The following TMEM132D variants were observed in gnomAD, a reference collection of about 807,000 sequenced individuals.
TMEM132D encodes mature OL transmembrane protein.
A neutral mutation model predicts 62.3 loss-of-function variants in TMEM132D; 21 were observed. The observed-to-expected ratio is 0.34, with a 90% CI of 0.24 to 0.49. The LOEUF (loss-of-function observed/expected upper bound fraction) is 0.49. Ranked by LOEUF, TMEM132D falls within the 20% of genes least tolerant of loss-of-function variation. The probability of loss-of-function intolerance (pLI) is 0.99; values close to 1 mark genes in which losing one functional copy is unlikely to be tolerated. For synonymous variants in TMEM132D, 621 were observed against 575.6 expected (o/e 1.08, Z -1.13); for missense variants, 1,346 against 1,402.8 (o/e 0.96, Z 0.65).
intron 1 of TMEM132D, among the ~76,000 whole-genome samples, chr12:129,729,281 C>A (rs1336048720): frequency 6.6e-6 from 1 of 152,162 alleles, no homozygotes; most frequent in African/African-American, 2.4e-5. Flanking sequence ...AGTTCTATTC[C>A]CTTGTATATG....
intron 1 of TMEM132D, among the ~76,000 whole-genome samples, chr12:129,767,238 C>A (rs551175950): frequency 6.6e-6 from 1 of 152,362 alleles, no homozygotes; most frequent in African/African-American, 2.4e-5. Flanking sequence ...TGGGCCTTCA[C>A]TCTCTTGTGA....
chr12:129,560,680 T>C (rs1415486957), intron 2 of TMEM132D, among the ~76,000 whole-genome samples: 1 of 152,230 alleles, frequency 6.6e-6, no homozygotes, highest in African/African-American at 2.4e-5. Flanking sequence ...AGGTAGCTTA[T>C]GCTGTGGTAA....
intron 1 of TMEM132D, among the ~76,000 whole-genome samples, chr12:129,817,895 G>T (rs571409947): frequency 2.0e-5 from 3 of 147,592 alleles, no homozygotes; most frequent in Non-Finnish European, 4.5e-5. Context: ...GTGGGGGTTT[G>T]TGTGTGCCTA....
chr12:129,453,204 G>A (rs1018387813), intron 3 of TMEM132D, among the ~76,000 whole-genome samples: 5 of 152,212 alleles, frequency 3.3e-5, no homozygotes, highest in African/African-American at 1.2e-4. Context: ...CGGAAAAATT[G>A]TCTTCCAGGA....
chr12:129,632,743 C>G (rs1388656685), intron 2 of TMEM132D, among the ~76,000 whole-genome samples: 2 of 152,228 alleles, frequency 1.3e-5, no homozygotes. Flanking sequence ...CACGAGCTCC[C>G]TCTCCGCATC....
At chr12:129,693,768 T>C (rs958825045) in intron 2 of TMEM132D, among the ~76,000 whole-genome samples, 2 of 152,188 alleles carry the variant, frequency 1.3e-5, no homozygotes, top group African/African-American at 4.8e-5. Flanking sequence ...GGCAGACTCT[T>C]TGCTTATTAT....
intron 4 of TMEM132D, among the ~76,000 whole-genome samples, chr12:129,289,953 A>G (rs1232421181): frequency 6.6e-6 from 1 of 152,222 alleles, no homozygotes; most frequent in Non-Finnish European, 1.5e-5. Context: ...CACAATGTGC[A>G]GCTCTGGATT....
At chr12:129,390,336 C>T in intron 3 of TMEM132D, among the ~76,000 whole-genome samples, 1 of 152,110 alleles carries the variant, frequency 6.6e-6, no homozygotes, top group East Asian at 1.9e-4. Flanking sequence ...AACCACGTGC[C>T]CCACAAAGCC....
chr12:129,452,947 ATACTGGTTGGTGGCCTGTTAGG>A (rs1409793872), intron 3 of TMEM132D, among the ~76,000 whole-genome samples: 2 of 152,174 alleles, frequency 1.3e-5, no homozygotes, highest in African/African-American at 4.8e-5. Context: ...CCATGGACCC[ATACTGGTTGGTGGCCTGTTAGG>A]TACTGGACCC....
chr12:129,715,415 G>A (rs1868535220), intron 1 of TMEM132D, among the ~76,000 whole-genome samples: 1 of 152,208 alleles, frequency 6.6e-6, no homozygotes, highest in African/African-American at 2.4e-5. Flanking sequence ...TATTTACCAG[G>A]AGAGAATGAA....
intron 4 of TMEM132D, among the ~76,000 whole-genome samples, chr12:129,325,624 C>T (rs933550359): frequency 1.3e-5 from 2 of 152,150 alleles, no homozygotes; most frequent in Admixed American, 6.5e-5. Flanking sequence ...ACCCCTCATG[C>T]ACTCCAGCCT....
intron 5 of TMEM132D, among the ~76,000 whole-genome samples, chr12:129,122,549 T>C (rs935481421): frequency 7.9e-5 from 12 of 152,126 alleles, no homozygotes; most frequent in African/African-American, 2.9e-4. Context: ...TCAATAGATA[T>C]CTATTGAATG....
Position 129,073,947 on chromosome 12 carries a change from G to A in TMEM132D, c.3228C>T (p.Val1076=), listed in dbSNP as rs1874158931. ...AGTCCCCAGGGTCCAGATCCTGGCA[G>A]ACCCACTTAATGTCATCCTCGCTAC... ...VMSSEDDIKW[V]CQDLDPGDCK... is the part of the protein sequence containing the mutation. Residue 1076 remains valine, a synonymous_variant, in exon 9 of 9, where the codon GTC becomes GTT. Transcript: ENST00000422113. 1.2e-6 allele frequency: 2 copies of A among 1,608,392 alleles called. No individual in the cohort carries two copies. The highest frequency in any genetic ancestry group is 1.3e-5 in the African/African-American group (1 of 74,702).
At chr12:129,511,552 C>A (rs1031195862) in intron 3 of TMEM132D, among the ~76,000 whole-genome samples, 1 of 152,126 alleles carries the variant, frequency 6.6e-6, no homozygotes, top group Non-Finnish European at 1.5e-5. Flanking sequence ...TTGTAGTGGA[C>A]GTGATAGTTT....
At chr12:129,251,652 T>C (rs1465579552) in intron 4 of TMEM132D, among the ~76,000 whole-genome samples, 3 of 152,204 alleles carry the variant, frequency 2.0e-5, no homozygotes, top group Admixed American at 1.3e-4. Flanking sequence ...AACGTATGGC[T>C]CTCAATTAAC....
intron 1 of TMEM132D, among the ~76,000 whole-genome samples, chr12:129,773,220 G>T (rs1315197275): frequency 6.6e-6 from 1 of 152,192 alleles, no homozygotes; most frequent in Non-Finnish European, 1.5e-5. Context: ...TCGACATCGT[G>T]CGCCTCCTGT....
At chr12:129,442,380 T>C (rs1280110772) in intron 3 of TMEM132D, among the ~76,000 whole-genome samples, 1 of 152,160 alleles carries the variant, frequency 6.6e-6, no homozygotes, top group Non-Finnish European at 1.5e-5. Context: ...TGCGTATGTG[T>C]TAATGGAGAA....
At chr12:129,560,243 T>C (rs1877177479) in intron 2 of TMEM132D, among the ~76,000 whole-genome samples, 1 of 149,890 alleles carries the variant, frequency 6.7e-6, no homozygotes, top group Admixed American at 6.8e-5. Flanking sequence ...CACTTGTTTT[T>C]TGTTGTAGTT....
At chr12:129,128,317 A>G (rs191477371) in intron 5 of TMEM132D, among the ~76,000 whole-genome samples, 1 of 152,292 alleles carries the variant, frequency 6.6e-6, no homozygotes, top group African/African-American at 2.4e-5. Context: ...GGTAATTTAT[A>G]AAGAAAAGAG....
Sources: gnomAD v4.1 joint callset for allele counts (sites outside exome capture counted in the v4.1 genomes callset) on GRCh38, gnomAD v4.1.1 for gene constraint, MANE v1.5 for transcripts, NCBI Gene and HGNC (gene_info 2026-07-23, HGNC 2026-07-21) for gene names.